The following TANGO2 variants were observed in gnomAD, a reference collection of about 807,000 sequenced individuals.
The protein encoded by TANGO2 is transport and Golgi organization protein 2 homolog.
A neutral mutation model predicts 39.1 loss-of-function variants in TANGO2; 26 were observed. The ratio of observed to expected loss-of-function variants is 0.67; its 90% CI spans 0.49 to 0.92. The LOEUF (loss-of-function observed/expected upper bound fraction) is 0.92. Ranked by LOEUF, TANGO2 falls within the 40% of genes least tolerant of loss-of-function variation. The pLI, the probability that TANGO2 is intolerant of heterozygous loss-of-function variation, is 0.00. For synonymous variants in TANGO2, 131 were observed against 144.5 expected (o/e 0.91, Z 0.67); for missense variants, 326 against 360.1 (o/e 0.91, Z 0.77).
chr22:20,063,902 C>T (rs1232531194), intron 8 of TANGO2, among the ~76,000 whole-genome samples: 2 of 152,276 alleles, frequency 1.3e-5, no homozygotes, highest in Non-Finnish European at 2.9e-5. Context: ...AACTCCACTC[C>T]CTGGCAGGCC....
At chr22:20,060,348 CAAAAAAAAAA>C (rs1180539682) in intron 6 of TANGO2, among the ~76,000 whole-genome samples, 4 of 80,704 alleles carry the variant, frequency 5.0e-5, no homozygotes, top group African/African-American at 2.1e-4. Flanking sequence ...GACTCCGTCT[CAAAAAAAAAA>C]AAAAAAAAAA....
chr22:20,021,971 T>C (rs2146623309), intron 1 of TANGO2, among the ~76,000 whole-genome samples: 1 of 152,378 alleles, frequency 6.6e-6, no homozygotes, highest in African/African-American at 2.4e-5. Context: ...TGCCCTGCCC[T>C]GGCCAGGCCT....
chr22:20,043,315 G>A (rs745520843), intron 2 of TANGO2, 40 bp from the exon 3 acceptor site: 13 of 1,470,372 alleles, frequency 8.8e-6, no homozygotes, highest in Middle Eastern at 1.7e-4. Flanking sequence ...TGGCTCGCTC[G>A]TTTCCATCTG....
chr22:20,031,371 G>C (rs1454140276), intron 1 of TANGO2, among the ~76,000 whole-genome samples: 2 of 152,202 alleles, frequency 1.3e-5, no homozygotes, highest in African/African-American at 4.8e-5. Flanking sequence ...ATAGCCATGA[G>C]AACAACGCTT....
intron 1 of TANGO2, among the ~76,000 whole-genome samples, chr22:20,027,768 C>T (rs564618640): frequency 9.9e-5 from 15 of 151,506 alleles, no homozygotes; most frequent in African/African-American, 2.9e-4. Context: ...TCACCATGCT[C>T]GGCTAATTTT....
intron 6 of TANGO2, chr22:20,056,961 C>T (rs1172539666): frequency 1.3e-5 from 6 of 456,258 alleles, no homozygotes; most frequent in Admixed American, 4.7e-5. Context: ...GTGCCCTTAG[C>T]GCCACCCACA....
At chr22:20,056,295 G>C in intron 6 of TANGO2, 1 of 641,190 alleles carries the variant, frequency 1.6e-6, no homozygotes, top group Non-Finnish European at 2.9e-6. Flanking sequence ...GCCACCCCCA[G>C]CCTCACTTCC....
chr22:20,061,263 T>A (rs1181517549), intron 6 of TANGO2: 4 of 354,004 alleles, frequency 1.1e-5, no homozygotes, highest in East Asian at 9.7e-5. Context: ...TTCTTATTCA[T>A]CCATCCATCG....
At chr22:20,041,026 T>C (rs906662481) in intron 2 of TANGO2, among the ~76,000 whole-genome samples, 7 of 152,192 alleles carry the variant, frequency 4.6e-5, no homozygotes, top group African/African-American at 1.7e-4. Context: ...TCCCTGGCAA[T>C]GACCAAAAGC....
At chr22:20,037,213 G>T in intron 2 of TANGO2, 2 of 1,181,720 alleles carry the variant, frequency 1.7e-6, no homozygotes, top group Non-Finnish European at 2.3e-6. Context: ...GGGCTGGCGG[G>T]TCACAGCTGC....
chr22:20,018,605 G>A (rs539930330), upstream of TANGO2, among the ~76,000 whole-genome samples: 1 of 152,296 alleles, frequency 6.6e-6, no homozygotes, highest in African/African-American at 2.4e-5. Flanking sequence ...ATCTGTGCAA[G>A]TGAGACTACC....
chr22:20,067,064 G>A lies in TANGO2; in HGVS notation c.*2402G>A, dbSNP rs1239283888. 6.6e-6 allele frequency: 1 copy of A among 152,152 alleles called. No homozygotes were observed. The highest frequency in any genetic ancestry group is 1.5e-5 in the Non-Finnish European group (1 of 68,042). The allele number at this position is 152,152 out of a possible 1,614,324, so 9.4% of individuals were successfully genotyped here. On this transcript the variant is annotated 3_prime_UTR_variant, in exon 9 of 9. Transcript: ENST00000327374. Reference sequence around the variant, plus strand: ...TAGGGTTCTTCCAGGGGTAACCAAGGTAGAATGAGGTCGTTAGTGTGGGCC... The same window carrying A: ...TAGGGTTCTTCCAGGGGTAACCAAGATAGAATGAGGTCGTTAGTGTGGGCC...
At chr22:20,058,621 G>A (rs190135330) in intron 6 of TANGO2, 1 of 147,446 alleles carries the variant, frequency 6.8e-6, no homozygotes, top group African/African-American at 2.5e-5. Context: ...CAGCCTGGGC[G>A]ACAGAGTGAG....
chr22:20,056,644 G>A, intron 6 of TANGO2: 1 of 456,708 alleles, frequency 2.2e-6, no homozygotes, highest in Non-Finnish European at 4.4e-6. Flanking sequence ...GCCCCAACCT[G>A]GAGAGAATGT....
chr22:20,035,003 A>C (rs926648967), intron 1 of TANGO2, among the ~76,000 whole-genome samples: 2 of 152,238 alleles, frequency 1.3e-5, no homozygotes, highest in African/African-American at 4.8e-5. Flanking sequence ...CCCTCGGATG[A>C]TGGCCCCCTG....
intron 1 of TANGO2, among the ~76,000 whole-genome samples, chr22:20,032,742 G>A (rs956088378): frequency 2.0e-5 from 3 of 152,210 alleles, no homozygotes; most frequent in Admixed American, 1.3e-4. Flanking sequence ...CCTTGAGGGC[G>A]AGCTCTGTGT....
intron 6 of TANGO2, among the ~76,000 whole-genome samples, chr22:20,060,268 G>C (rs572006025): frequency 3.4e-5 from 5 of 147,472 alleles, no homozygotes; most frequent in Non-Finnish European, 5.9e-5. Flanking sequence ...AGAATGGCGT[G>C]AACCCGGGAG....
chr22:20,041,387 A>G (rs2043902211), intron 2 of TANGO2, among the ~76,000 whole-genome samples: 1 of 130,174 alleles, frequency 7.7e-6, no homozygotes, highest in Non-Finnish European at 1.6e-5. Context: ...ATCTCGGCTC[A>G]CTGCAAACTC....
At chr22:20,030,799 C>G (rs1211369805) in intron 1 of TANGO2, among the ~76,000 whole-genome samples, 1 of 152,232 alleles carries the variant, frequency 6.6e-6, no homozygotes, top group African/African-American at 2.4e-5. Context: ...AAGGATGTCA[C>G]TTATACTACC....
Sources: gnomAD v4.1 joint callset for allele counts (sites outside exome capture counted in the v4.1 genomes callset) on GRCh38, gnomAD v4.1.1 for gene constraint, MANE v1.5 for transcripts, NCBI Gene and HGNC (gene_info 2026-07-23, HGNC 2026-07-21) for gene names.